Variants in ADAMTSL3 observed in about 807,000 individuals in gnomAD.
ADAMTSL3 encodes the protein ADAMTS-like protein 3.
In ADAMTSL3, 128 loss-of-function variants were observed where a neutral mutation model predicts 201.7. The ratio of observed to expected loss-of-function variants is 0.63; its 90% confidence interval spans 0.55 to 0.73. The LOEUF (loss-of-function observed/expected upper bound fraction) is 0.73, where lower values mean the gene tolerates loss of function less well. Among genes scored for constraint, ADAMTSL3 ranks in the 30% least tolerant of loss-of-function variants. The probability of loss-of-function intolerance (pLI) is 0.00; values close to 1 mark genes in which losing one functional copy is unlikely to be tolerated. For synonymous variants in ADAMTSL3, 738 were observed against 748.4 expected (o/e 0.99, Z 0.23); for missense variants, 1,990 against 2,119.6 (o/e 0.94, Z 1.20).
intron 23 of ADAMTSL3, among the ~76,000 whole-genome samples, chr15:83,995,703 C>A (rs1019315566): frequency 6.6e-6 from 1 of 151,958 alleles, no homozygotes; most frequent in Non-Finnish European, 1.5e-5. Flanking sequence ...AGAAAATATA[C>A]AAAGTTTTGG....
chr15:83,744,573 C>T (rs1364115299), intron 3 of ADAMTSL3, among the ~76,000 whole-genome samples: 1 of 152,138 alleles, frequency 6.6e-6, no homozygotes, highest in Non-Finnish European at 1.5e-5. Flanking sequence ...ACATGTATTA[C>T]TTCACATACT....
intron 19 of ADAMTSL3, among the ~76,000 whole-genome samples, chr15:83,958,545 T>C (rs1746160721): frequency 6.6e-6 from 1 of 152,134 alleles, no homozygotes; most frequent in African/African-American, 2.4e-5. Flanking sequence ...TCCCTCCTGC[T>C]TACACTCTCT....
chr15:83,931,894 A>G (rs2066365885), intron 17 of ADAMTSL3, among the ~76,000 whole-genome samples: 1 of 152,238 alleles, frequency 6.6e-6, no homozygotes, highest in Non-Finnish European at 1.5e-5. Flanking sequence ...GAAATATGGA[A>G]GTAACGTCAG....
chr15:83,666,772 G>A (rs1314357410), intron 2 of ADAMTSL3, among the ~76,000 whole-genome samples: 5 of 151,866 alleles, frequency 3.3e-5, no homozygotes, highest in African/African-American at 4.8e-5. Flanking sequence ...GAATTTGGGA[G>A]GTTGAGGCTG....
At chr15:83,921,432 A>G (rs781713621) in intron 16 of ADAMTSL3, among the ~76,000 whole-genome samples, 1 of 152,194 alleles carries the variant, frequency 6.6e-6, no homozygotes, top group Non-Finnish European at 1.5e-5. Context: ...ACAACTTGGC[A>G]TATTAAATAC....
intron 17 of ADAMTSL3, among the ~76,000 whole-genome samples, chr15:83,938,842 T>C (rs1426381450): frequency 6.6e-6 from 1 of 152,242 alleles, no homozygotes; most frequent in Non-Finnish European, 1.5e-5. Flanking sequence ...CTTACCCTTA[T>C]GTCTTTCTTT....
chr15:83,981,215 A>G (rs899933130), intron 20 of ADAMTSL3, among the ~76,000 whole-genome samples: 15 of 152,304 alleles, frequency 9.8e-5, no homozygotes, highest in Admixed American at 9.1e-4. Context: ...CCCAGAACAC[A>G]TTGAGCCTTC....
At chr15:83,675,026 T>G (rs2061383931) in intron 2 of ADAMTSL3, among the ~76,000 whole-genome samples, 1 of 151,962 alleles carries the variant, frequency 6.6e-6, no homozygotes, top group Admixed American at 6.6e-5. Flanking sequence ...GGTGGGTTTT[T>G]CATTTCATTA....
At chr15:83,696,348 GGGA>G (rs1232041214) in intron 2 of ADAMTSL3, among the ~76,000 whole-genome samples, 1 of 152,204 alleles carries the variant, frequency 6.6e-6, no homozygotes, top group Admixed American at 6.5e-5. Context: ...CCTAAGTGCT[GGGA>G]TTACAGGCAT....
In ADAMTSL3 at chr15:83,895,740, T is replaced by C. The variant is rs191255218; in HGVS notation, c.1468-2118T>C. On this transcript the variant is annotated intron_variant, in intron 13 of 29. Coordinates refer to ENST00000286744, the MANE Select transcript of ADAMTSL3 (RefSeq NM_207517.3). ...TGTTTTCTTTCTTTTTGGGTGAATTTTTTTCTTTCTTGGCTAAAACAGCCA... is the reference window on the plus strand; with the variant it reads ...TGTTTTCTTTCTTTTTGGGTGAATTCTTTTCTTTCTTGGCTAAAACAGCCA... 2.0e-5 allele frequency among the ~76,000 whole-genome samples: 3 copies of C among 150,598 alleles called. No homozygotes were observed. The East Asian group carries it at 5.9e-4, about 30-fold the overall frequency.
chr15:83,876,652 G>A (rs1003854434), intron 9 of ADAMTSL3, among the ~76,000 whole-genome samples: 1 of 152,020 alleles, frequency 6.6e-6, no homozygotes, highest in Admixed American at 6.6e-5. Context: ...TTTGTTTTGA[G>A]ATGCAGTCTT....
chr15:83,772,602 A>G (rs572879666), intron 3 of ADAMTSL3, among the ~76,000 whole-genome samples: 1 of 152,206 alleles, frequency 6.6e-6, no homozygotes, highest in East Asian at 1.9e-4. Context: ...CTAGGAATGG[A>G]GATTCTCTCA....
intron 4 of ADAMTSL3, among the ~76,000 whole-genome samples, chr15:83,785,791 C>T (rs188094511): frequency 6.6e-6 from 1 of 151,674 alleles, no homozygotes; most frequent in East Asian, 1.9e-4. Context: ...AATTACTTTC[C>T]TCTTTTTTTT....
chr15:83,896,041 G>A (rs556958694), intron 13 of ADAMTSL3, among the ~76,000 whole-genome samples: 88 of 152,300 alleles, frequency 5.8e-4, no homozygotes, highest in African/African-American at 2.0e-3. Flanking sequence ...TAATTTTCAA[G>A]CTCCTTAAAG....
At chr15:83,988,609 G>A in intron 21 of ADAMTSL3, 82 bp from the exon 22 acceptor site, 2 of 1,284,414 alleles carry the variant, frequency 1.6e-6, no homozygotes, top group Non-Finnish European at 2.1e-6. Context: ...TAATGGTGCA[G>A]TCTTCTTTCT....
chr15:84,010,627 A>G (rs1232254940), intron 23 of ADAMTSL3, among the ~76,000 whole-genome samples: 2 of 152,216 alleles, frequency 1.3e-5, no homozygotes, highest in Non-Finnish European at 2.9e-5. Flanking sequence ...ATGAGAGTGA[A>G]TTAAATAATA....
intron 2 of ADAMTSL3, among the ~76,000 whole-genome samples, chr15:83,679,294 C>T (rs1024747354): frequency 3.3e-5 from 5 of 152,094 alleles, no homozygotes; most frequent in African/African-American, 1.2e-4. Flanking sequence ...GCTTTAACAT[C>T]ATTGGCAGAT....
chr15:83,897,363 T>C (rs1020469384), intron 13 of ADAMTSL3, among the ~76,000 whole-genome samples: 9 of 152,340 alleles, frequency 5.9e-5, no homozygotes, highest in African/African-American at 2.2e-4. Context: ...GGCTGAATAC[T>C]CTTTGATGGC....
At chr15:83,723,689 C>T (rs1391623917) in intron 3 of ADAMTSL3, among the ~76,000 whole-genome samples, 1 of 152,072 alleles carries the variant, frequency 6.6e-6, no homozygotes, top group Non-Finnish European at 1.5e-5. Flanking sequence ...CACAGAATCA[C>T]ATAGGAAATC....
Sources: allele counts gnomAD v4.1 joint callset (sites outside exome capture counted in the v4.1 genomes callset), GRCh38; gene constraint gnomAD v4.1.1; transcripts MANE v1.5; gene names NCBI Gene and HGNC (gene_info 2026-07-23, HGNC 2026-07-21).